IL13RA1: variants seen among roughly 807,000 people sequenced by gnomAD.
IL13RA1 encodes interleukin 13 receptor subunit alpha 1, also known as interleukin-13 receptor subunit alpha-1.
A neutral mutation model predicts 33.8 loss-of-function variants in IL13RA1; 14 were observed. The ratio of observed to expected loss-of-function variants is 0.41; its 90% CI spans 0.27 to 0.65. The LOEUF (loss-of-function observed/expected upper bound fraction) is 0.65. IL13RA1 is among the 30% of genes least tolerant of loss of function. The pLI is 0.28. For missense variants in IL13RA1, 313 were observed against 327.0 expected (o/e 0.96, Z 0.33); for synonymous variants, 116 against 115.7 (o/e 1.00, Z -0.02).
At chrX:118,758,365 A>G (rs992958408) in intron 5 of IL13RA1, 123 bp downstream of exon 5, 7 of 369,508 alleles carry the variant, frequency 1.9e-5, no homozygotes, top group African/African-American at 1.7e-4. Context: ...AAGGGACTAT[A>G]TTGATGTATA....
chrX:118,766,243 A>G (rs1175516720), intron 6 of IL13RA1, among the ~76,000 whole-genome samples: 1 of 111,793 alleles, frequency 8.9e-6, no homozygotes, highest in African/African-American at 3.2e-5. Flanking sequence ...AGCTTGCTAT[A>G]GTTATGTATT....
chrX:118,741,245 A>G (rs2017341429), intron 2 of IL13RA1, 89 bp downstream of exon 2: 1 of 594,601 alleles, frequency 1.7e-6, no homozygotes, highest in Non-Finnish European at 2.7e-6. Context: ...GTCTTACGTC[A>G]AAGTGGAAAT....
chrX:118,791,753 C>T lies in IL13RA1; in HGVS notation c.1192-9C>T, dbSNP rs780013514. 2 of 832,222 alleles carry T rather than the reference C, an allele frequency of 2.4e-6. No individual in the cohort carries two copies. Among genetic ancestry groups the T allele is most frequent in the Non-Finnish European group, 3.6e-6 (2 of 560,295 alleles). The allele number at this position is 832,222 out of a possible 1,213,427, so 68.6% of individuals were successfully genotyped here. A position where few individuals can be genotyped will look rare whatever the true frequency, so the allele number is the denominator to read the frequency against. On this transcript the variant is annotated splice_polypyrimidine_tract_variant and intron_variant, in intron 10 of 10. Coordinates refer to ENST00000371666, the MANE Select transcript of IL13RA1 (RefSeq NM_001560.3). ...GTCATTGTGTATGTGTTTTTTTCCT[C>T]CCTTCTAGCACTGGAAGAAGTACGA...
chrX:118,740,908 G>C (rs1009277983), intron 1 of IL13RA1, 109 bp from the exon 2 acceptor site: 5 of 585,618 alleles, frequency 8.5e-6, no homozygotes, highest in Non-Finnish European at 1.5e-5. Flanking sequence ...AATGTTAGAT[G>C]TTGTTAACTC....
intron 2 of IL13RA1, among the ~76,000 whole-genome samples, chrX:118,746,314 C>T (rs1433785596): frequency 9.0e-6 from 1 of 110,537 alleles, no homozygotes; most frequent in African/African-American, 3.3e-5. Context: ...GGGGTTTTGC[C>T]ATTTTGCCCA....
At chrX:118,741,185 T>G in intron 2 of IL13RA1, 29 bp downstream of exon 2, 1 of 986,983 alleles carries the variant, frequency 1.0e-6, no homozygotes, top group South Asian at 2.0e-5. Context: ...GTTACATTGA[T>G]GAGGTAAAGT....
intron 9 of IL13RA1, among the ~76,000 whole-genome samples, chrX:118,774,774 A>G (rs1161666461): frequency 8.9e-6 from 1 of 112,275 alleles, no homozygotes; most frequent in Non-Finnish European, 1.9e-5. Flanking sequence ...ATCTCATTAT[A>G]GGACTGTTAT....
intron 10 of IL13RA1, among the ~76,000 whole-genome samples, chrX:118,785,070 A>C (rs111810956): frequency 7.5e-4 from 81 of 108,118 alleles, no homozygotes; most frequent in African/African-American, 2.4e-3. Flanking sequence ...GATTTTAGTT[A>C]TTCTCTTCCC....
chrX:118,791,795 AC>A lies in IL13RA1; in HGVS notation c.1227del (p.Lys410ArgfsTer7). Reference protein sequence around the residue: ...WKKYDIYEKQTKEETDSVVLI... With the variant: ...WKKYDIYEKQXKEETDSVVLI... ...GAAGTACGACATCTATGAGAAGCAA[AC>A]CAAGGAGGAAACCGACTCTGTAGTG... On this transcript the variant is annotated frameshift_variant, in exon 11 of 11. Transcript: ENST00000371666. LOFTEE classifies it high-confidence loss of function. 9.3e-7 allele frequency: 1 copy of A among 1,078,179 alleles called. No individual in the cohort carries two copies. Among genetic ancestry groups the A allele is most frequent in the Non-Finnish European group, 1.3e-6 (1 of 776,905 alleles). 88.9% of individuals were successfully genotyped at this position (1,078,179 alleles called of 1,213,427 possible).
At chrX:118,803,903 TTCCTTCCTTCCTTCCTTC>T in the IL13RA1 span, among the ~76,000 whole-genome samples, 13 of 101,233 alleles carry the variant, frequency 1.3e-4, no homozygotes, top group East Asian at 3.1e-4. Flanking sequence ...CCTTCCTTCC[TTCCTTCCTTCCTTCCTTC>T]CTCTCTCTCT....
chrX:118,735,607 G>A (rs935656558), intron 1 of IL13RA1, among the ~76,000 whole-genome samples: 1 of 111,997 alleles, frequency 8.9e-6, no homozygotes, highest in Non-Finnish European at 1.9e-5. Context: ...GAGTGCAGTA[G>A]CACGATCTCA....
chrX:118,728,323 G>A lies in IL13RA1; in HGVS notation c.88+597G>A, dbSNP rs777597173. Among the ~76,000 whole-genome samples, 96 of 112,562 alleles carry A rather than the reference G, an allele frequency of 8.5e-4. 1 individual carries two copies. The highest frequency in any genetic ancestry group is 3.4e-3 in the Admixed American group (37 of 10,743). On this transcript the variant is annotated intron_variant, in intron 1 of 10. Coordinates refer to ENST00000371666, the MANE Select transcript of IL13RA1 (RefSeq NM_001560.3). ...CGTGACGCTCATGACCTCCTCTGGC[G>A]TCGAAGAAATCCTTTGGGAAATCCA...
At chrX:118,739,996 A>G (rs1364204569) in intron 1 of IL13RA1, among the ~76,000 whole-genome samples, 1 of 112,225 alleles carries the variant, frequency 8.9e-6, no homozygotes, top group African/African-American at 3.2e-5. Context: ...GCTAGAGTGC[A>G]GTGGCATGAT....
At chrX:118,761,632 T>C (rs2017591645) in intron 6 of IL13RA1, 1 of 124,999 alleles carries the variant, frequency 8.0e-6, no homozygotes, top group Non-Finnish European at 1.6e-5. Context: ...GACAAGTTTT[T>C]TTCTTCATGA....
rs1376055879 is a variant in IL13RA1, at chrX:118,727,619, G to A, written c.-20G>A. On this transcript the variant is annotated 5_prime_UTR_variant, in exon 1 of 11. Coordinates refer to ENST00000371666, the MANE Select transcript of IL13RA1 (RefSeq NM_001560.3). ...ACTGCCAAGGCTCCAGCCCGGCCGG[G>A]CTCCGAGGCGAGAGGCTGCATGGAG... is the stretch of plus-strand genomic sequence containing the variant. The A allele has an allele frequency of 1.0e-5, 9 of 898,864 alleles. No individual in the cohort carries two copies. The East Asian group carries it at 3.8e-4, about 38-fold the overall frequency. The allele number at this position is 898,864 out of a possible 1,213,427, so 74.1% of individuals were successfully genotyped here.
chrX:118,804,813 C>T, the IL13RA1 span, among the ~76,000 whole-genome samples: 1 of 112,013 alleles, frequency 8.9e-6, no homozygotes. Flanking sequence ...ACTATGAAAC[C>T]AACCCAATTG....
intron 6 of IL13RA1, among the ~76,000 whole-genome samples, chrX:118,763,970 A>G (rs2017618366): frequency 9.0e-6 from 1 of 111,396 alleles, no homozygotes; most frequent in South Asian, 3.8e-4. Flanking sequence ...GTAGAATGTC[A>G]TCAGTTTTTT....
At chrX:118,782,042 TTTTCTC>T (rs1459429368) in intron 10 of IL13RA1, among the ~76,000 whole-genome samples, 3 of 111,902 alleles carry the variant, frequency 2.7e-5, no homozygotes, top group African/African-American at 6.5e-5. Context: ...ATATTACAGT[TTTTCTC>T]TTTCTATCAT....
intron 1 of IL13RA1, among the ~76,000 whole-genome samples, chrX:118,734,974 C>G (rs973642483): frequency 3.2e-4 from 35 of 110,895 alleles, no homozygotes; most frequent in African/African-American, 1.1e-3. Flanking sequence ...ACTTATAGGT[C>G]TGTTTAGATT....
Sources: allele counts gnomAD v4.1 joint callset (sites outside exome capture counted in the v4.1 genomes callset), GRCh38; gene constraint gnomAD v4.1.1; transcripts MANE v1.5; gene names NCBI Gene and HGNC (gene_info 2026-07-23, HGNC 2026-07-21).